Variants in PCDHA10 observed in about 807,000 individuals in gnomAD.
PCDHA10 encodes protocadherin alpha 10.
A neutral mutation model predicts 61.2 loss-of-function variants in PCDHA10; 45 were observed. That is an observed-to-expected ratio of 0.74 (90% CI 0.58 to 0.94). The LOEUF is 0.94. Among genes scored for constraint, PCDHA10 ranks in the 40% least tolerant of loss-of-function variants. PCDHA10 has a pLI of 0.00. For missense variants in PCDHA10, 1,278 were observed against 1,236.2 expected (o/e 1.03, Z -0.51); for synonymous variants, 602 against 548.8 (o/e 1.10, Z -1.35).
intron 3 of PCDHA10, among the ~76,000 whole-genome samples, chr5:140,989,861 C>G (rs1449611550): frequency 6.6e-6 from 1 of 152,042 alleles, no homozygotes; most frequent in Non-Finnish European, 1.5e-5. Context: ...GGAGAGGAAT[C>G]TTTCTCTGCC....
At chr5:140,861,503 C>A in intron 1 of PCDHA10, 1 of 478,536 alleles carries the variant, frequency 2.1e-6, no homozygotes, top group Non-Finnish European at 4.3e-6. Context: ...TGATAGACCT[C>A]GAGGAGCTGT....
intron 3 of PCDHA10, among the ~76,000 whole-genome samples, chr5:141,003,696 T>C (rs1554259206): frequency 6.6e-6 from 1 of 152,210 alleles, no homozygotes; most frequent in East Asian, 1.9e-4. Flanking sequence ...AATATATCCC[T>C]ACCAATTGTG....
At chr5:140,966,405 A>G (rs562045428) in intron 1 of PCDHA10, 6 of 404,248 alleles carry the variant, frequency 1.5e-5, no homozygotes, top group African/African-American at 1.2e-4. Context: ...TCGGCGCGGA[A>G]TCAGAGCAGG....
chr5:140,961,510 T>C (rs1201672141), intron 1 of PCDHA10, among the ~76,000 whole-genome samples: 1 of 152,246 alleles, frequency 6.6e-6, no homozygotes, highest in Non-Finnish European at 1.5e-5. Context: ...CTTTGTTTAA[T>C]GTCTCCACAA....
At chr5:140,905,928 A>G (rs2072211023) in intron 1 of PCDHA10, among the ~76,000 whole-genome samples, 1 of 152,238 alleles carries the variant, frequency 6.6e-6, no homozygotes, top group Admixed American at 6.5e-5. Context: ...TGAGTCCCAA[A>G]GCTGAAGAAC....
At chr5:140,963,714 A>G (rs1554226741) in intron 1 of PCDHA10, among the ~76,000 whole-genome samples, 2 of 152,260 alleles carry the variant, frequency 1.3e-5, no homozygotes, top group Admixed American at 6.5e-5. Context: ...GCCATGCTAC[A>G]TATAGACTGC....
chr5:140,968,657 G>T (rs782383428), intron 1 of PCDHA10: 16 of 1,614,142 alleles, frequency 9.9e-6, no homozygotes, highest in Non-Finnish European at 1.4e-5. Flanking sequence ...TTCTGACCTG[G>T]ACCTCTTTAA....
At chr5:140,949,181 A>G (rs2094350223) in intron 1 of PCDHA10, among the ~76,000 whole-genome samples, 2 of 151,604 alleles carry the variant, frequency 1.3e-5, no homozygotes, top group Non-Finnish European at 3.0e-5. Context: ...CAGAGAACAT[A>G]CTCTGCATGA....
intron 1 of PCDHA10, among the ~76,000 whole-genome samples, chr5:140,975,698 T>C (rs1298498012): frequency 6.6e-6 from 1 of 152,202 alleles, no homozygotes; most frequent in Non-Finnish European, 1.5e-5. Flanking sequence ...TTTAAACTTA[T>C]TTTACTTTAA....
chr5:140,961,025 C>G (rs1283958205), intron 1 of PCDHA10, among the ~76,000 whole-genome samples: 1 of 152,150 alleles, frequency 6.6e-6, no homozygotes, highest in African/African-American at 2.4e-5. Context: ...CACTTGCTAC[C>G]TCCTTGTTTT....
intron 1 of PCDHA10, among the ~76,000 whole-genome samples, chr5:140,933,949 G>A (rs184768008): frequency 6.6e-6 from 1 of 151,792 alleles, no homozygotes; most frequent in African/African-American, 2.4e-5. Flanking sequence ...CACATCTGCA[G>A]GATCTGTAGT....
At chr5:140,912,164 C>G (rs1554195175) in intron 1 of PCDHA10, among the ~76,000 whole-genome samples, 1 of 152,158 alleles carries the variant, frequency 6.6e-6, no homozygotes, top group Non-Finnish European at 1.5e-5. Flanking sequence ...TTTATTCTGG[C>G]TGTGCTGGCA....
At position 140,996,204 on chromosome 5, in the gene PCDHA10, A is replaced by G. The variant is rs1405552013; in HGVS notation, c.2537-13423A>G. ...TCCATTTTATACCCTCAATGCAAGG[A>G]TATCACTACTTGTCTAGAAATGGTT... On this transcript the variant is annotated intron_variant, in intron 3 of 3. Coordinates refer to ENST00000307360, the MANE Select transcript of PCDHA10 (RefSeq NM_018901.4). Among the ~76,000 whole-genome samples the G allele has an allele frequency of 7.2e-5, 11 of 152,240 alleles. No homozygotes were observed. The South Asian group carries it at 2.3e-3, about 32-fold the overall frequency.
rs1307623486 is a variant in PCDHA10 at position 140,857,255 on chromosome 5, T to C, written c.1207T>C (p.Tyr403His). The C allele has an allele frequency of 6.3e-7, 1 of 1,598,356 alleles. No homozygotes were observed. The highest frequency in any genetic ancestry group is 8.6e-7 in the Non-Finnish European group (1 of 1,167,936). The stretch of plus-strand genomic sequence containing the variant: ...CAAGCTGGTGTCCACCTACAAGAAT[T>C]ACTACTCATTGGTGCTGGACAGCGC... ...PFKLVSTYKN[Y>H]YSLVLDSALD... is the part of the protein sequence containing the mutation. The change falls in exon 1 of 4, where the codon TAC (tyrosine) becomes CAC (histidine). Residue 403 changes from tyrosine (Y) to histidine (H), a missense_variant. Tyr to His is a moderately conservative substitution (Grantham distance 83, BLOSUM62 2). Transcript: ENST00000307360.
intron 1 of PCDHA10, among the ~76,000 whole-genome samples, chr5:140,905,243 T>C (rs962108553): frequency 7.2e-5 from 11 of 152,184 alleles, no homozygotes; most frequent in Non-Finnish European, 1.5e-4. Context: ...CCAGTTTCAT[T>C]CTTCCACATG....
intron 1 of PCDHA10, chr5:140,969,549 C>A: frequency 1.6e-6 from 2 of 1,238,176 alleles, no homozygotes; most frequent in South Asian, 3.3e-5. Context: ...AGGCATGAAG[C>A]CTTGTCCATA....
chr5:140,999,975 A>G (rs952038024), intron 3 of PCDHA10, among the ~76,000 whole-genome samples: 3 of 152,078 alleles, frequency 2.0e-5, no homozygotes, highest in African/African-American at 7.2e-5. Context: ...TAGCAGCTCT[A>G]GCGGCCTCTG....
chr5:140,928,050 G>A (rs782229340), intron 1 of PCDHA10: 3 of 1,614,180 alleles, frequency 1.9e-6, no homozygotes, highest in Non-Finnish European at 2.5e-6. Flanking sequence ...GCCCTTTTCA[G>A]CTGACGGCTT....
At chr5:140,915,273 A>C (rs2077054431) in intron 1 of PCDHA10, among the ~76,000 whole-genome samples, 1 of 152,090 alleles carries the variant, frequency 6.6e-6, no homozygotes, top group South Asian at 2.1e-4. Flanking sequence ...TGACCAGTTC[A>C]TCATTTACTC....
Sources: allele counts gnomAD v4.1 joint callset (sites outside exome capture counted in the v4.1 genomes callset), GRCh38; gene constraint gnomAD v4.1.1; transcripts MANE v1.5; gene names NCBI Gene and HGNC (gene_info 2026-07-23, HGNC 2026-07-21).